The following TBX20 variants were observed in gnomAD, a reference collection of about 807,000 sequenced individuals.
TBX20 encodes the protein T-box transcription factor TBX20.
Under a neutral mutation model 42.9 loss-of-function variants are expected in TBX20, and 8 were observed. That is an observed-to-expected ratio of 0.19 (90% CI 0.11 to 0.34). The LOEUF (loss-of-function observed/expected upper bound fraction) is 0.34. TBX20 is among the 10% of genes least tolerant of loss of function. The pLI is 1.00. For missense variants in TBX20, 411 were observed against 566.0 expected, an observed-to-expected ratio of 0.73 and a Z score of 2.78; for synonymous variants, 198 against 222.8, an observed-to-expected ratio of 0.89 and a Z score of 0.99.
At chr7:35,234,437 A>T (rs1269747620) in intron 5 of TBX20, among the ~76,000 whole-genome samples, 1 of 152,216 alleles carries the variant, frequency 6.6e-6, no homozygotes, top group Non-Finnish European at 1.5e-5. Flanking sequence ...GTGTCACCAT[A>T]TCTAATAATA....
At chr7:35,238,373 T>TA (rs1231317924) in intron 5 of TBX20, among the ~76,000 whole-genome samples, 3 of 151,788 alleles carry the variant, frequency 2.0e-5, no homozygotes, top group South Asian at 4.2e-4. Flanking sequence ...TAATTTTCAC[T>TA]AAAAAAAATA....
intron 6 of TBX20, among the ~76,000 whole-genome samples, chr7:35,220,464 C>T (rs1789662295): frequency 2.0e-5 from 3 of 152,232 alleles, no homozygotes; most frequent in African/African-American, 7.2e-5. Flanking sequence ...GCTGCTGAGA[C>T]AGAGAGGGTA....
At position 35,253,717 on chromosome 7, in the gene TBX20, T is replaced by A; in HGVS notation, c.-97A>T. ...AAGACCCGAAACACAGCTCAAAGTT[T>A]CCGAGAGCAGTCACAGCGGGGCCAG... On this transcript the variant is annotated 5_prime_UTR_variant, in exon 1 of 8. Transcript: ENST00000408931. 6.6e-7 allele frequency: 1 copy of A among 1,515,792 alleles called. No individual in the cohort carries two copies. Among genetic ancestry groups the A allele is most frequent in the African/African-American group, 1.4e-5 (1 of 72,382 alleles). The allele number at this position is 1,515,792 out of a possible 1,614,324, so 93.9% of individuals were successfully genotyped here. A position where few individuals can be genotyped will look rare whatever the true frequency, so the allele number is the denominator to read the frequency against.
intron 6 of TBX20, among the ~76,000 whole-genome samples, chr7:35,215,450 T>C (rs1357370773): frequency 6.6e-6 from 1 of 152,160 alleles, no homozygotes; most frequent in Admixed American, 6.5e-5. Flanking sequence ...ACTGTGAGAA[T>C]TTCTAAAATA....
chr7:35,250,094 A>G lies in TBX20; in HGVS notation c.237T>C (p.Ser79=). The G allele has an allele frequency of 6.2e-7, 1 of 1,613,858 alleles. No homozygotes were observed. The highest frequency in any genetic ancestry group is 8.5e-7 in the Non-Finnish European group (1 of 1,179,940). The change falls in exon 2 of 8, where the codon TCT becomes TCC. Residue 79 remains serine (S), a synonymous_variant. Transcript: ENST00000408931. The stretch of plus-strand genomic sequence containing the variant: ...TGGGGATCAGTGGCTCAGTGCACAG[A>G]GAGGAGGAGGACGGGCTGCTGCCAC... The part of the protein sequence containing the change: ...GGSGSSPSSS[S]LCTEPLIPTT...
Position 35,250,013 on chromosome 7 carries a change from G to C in TBX20, c.318C>G (p.Thr106=), listed in dbSNP as rs751334778. The C allele has an allele frequency of 6.2e-7, 1 of 1,613,748 alleles. No individual in the cohort carries two copies. Among genetic ancestry groups the C allele is most frequent in the South Asian group, 1.1e-5 (1 of 91,046 alleles). ...CATGGAATTTGTCCCAAAGCTCCTT[G>C]GTCTCCAGGCTGCAGGCAATTTTGG... The part of the protein sequence containing the change: ...EMAKIACSLE[T]KELWDKFHEL... The change falls in exon 2 of 8, where the codon ACC becomes ACG. Residue 106 remains threonine, a synonymous_variant. Transcript: ENST00000408931.
intron 6 of TBX20, among the ~76,000 whole-genome samples, chr7:35,217,963 G>A (rs1226840710): frequency 1.3e-5 from 2 of 152,086 alleles, no homozygotes; most frequent in Non-Finnish European, 2.9e-5. Flanking sequence ...CAGGTGATCC[G>A]CCCACCTTGG....
chr7:35,220,820 T>C (rs1789670908), intron 6 of TBX20, among the ~76,000 whole-genome samples: 1 of 152,234 alleles, frequency 6.6e-6, no homozygotes, highest in Non-Finnish European at 1.5e-5. Flanking sequence ...AAGGACACAT[T>C]TTAAAATCTC....
intron 6 of TBX20, among the ~76,000 whole-genome samples, chr7:35,209,252 A>G (rs1324706441): frequency 6.6e-6 from 1 of 152,164 alleles, no homozygotes. Context: ...GATTTCAGGT[A>G]GAATTGTCAT....
intron 4 of TBX20, among the ~76,000 whole-genome samples, chr7:35,241,406 G>A (rs1790078530): frequency 6.6e-6 from 1 of 152,162 alleles, no homozygotes. Flanking sequence ...TCTAAAATAA[G>A]AAATCACATA....
At chr7:35,212,348 C>T (rs1442694417) in intron 6 of TBX20, among the ~76,000 whole-genome samples, 3 of 152,054 alleles carry the variant, frequency 2.0e-5, no homozygotes, top group Non-Finnish European at 4.4e-5. Flanking sequence ...TCTGAATGTC[C>T]TTGTTATTAA....
intron 5 of TBX20, among the ~76,000 whole-genome samples, chr7:35,237,853 C>A (rs1358866747): frequency 1.5e-5 from 2 of 137,366 alleles, no homozygotes; most frequent in Non-Finnish European, 3.2e-5. Context: ...GTGGTGTGAG[C>A]AGCACATTTG....
chr7:35,230,447 G>A (rs1348957070), intron 6 of TBX20, among the ~76,000 whole-genome samples: 1 of 151,848 alleles, frequency 6.6e-6, no homozygotes, highest in Non-Finnish European at 1.5e-5. Flanking sequence ...ATAGTTCCTG[G>A]CCAATGTTCA....
intron 6 of TBX20, among the ~76,000 whole-genome samples, chr7:35,217,856 G>T (rs1330007784): frequency 6.6e-6 from 1 of 152,128 alleles, no homozygotes; most frequent in African/African-American, 2.4e-5. Flanking sequence ...GAGTAGCTGG[G>T]ATTACAGGCA....
At position 35,249,277 on chromosome 7, in the gene TBX20, G is replaced by A. The variant is rs1194728460; in HGVS notation, c.381-436C>T. On this transcript the variant is annotated intron_variant, in intron 2 of 7. Transcript: ENST00000408931. This position sits in a 1 kb window ranked among gnomAD's most constrained non-coding sequence, Gnocchi z 4.3. ...TTGCAAAATAAAAGCCAAAAGCAGA[G>A]GTTTCTGGGAAGGATTTCTCAGATG... is the stretch of plus-strand genomic sequence containing the variant. 1.3e-5 allele frequency among the ~76,000 whole-genome samples: 2 copies of A among 152,158 alleles called. No homozygotes were observed. The highest frequency in any genetic ancestry group is 4.8e-5 in the African/African-American group (2 of 41,422).
rs1384836061 is a variant in TBX20 at position 35,250,094 on chromosome 7, A to AGAG, written c.234_236dup (p.Ser79dup). On this transcript the variant is annotated inframe_insertion, in exon 2 of 8. Coordinates refer to ENST00000408931, the MANE Select transcript of TBX20 (RefSeq NM_001077653.2). ...TGGGGATCAGTGGCTCAGTGCACAG[A>AGAG]GAGGAGGAGGACGGGCTGCTGCCAC... 1 of 1,613,858 alleles carries AGAG rather than the reference A, an allele frequency of 6.2e-7. No homozygotes were observed. Among genetic ancestry groups the AGAG allele is most frequent in the South Asian group, 1.1e-5 (1 of 90,992 alleles).
At chr7:35,248,921 G>A in intron 2 of TBX20, 80 bp from the exon 3 acceptor site, 6 of 1,571,290 alleles carry the variant, frequency 3.8e-6, no homozygotes, top group South Asian at 2.2e-5. Flanking sequence ...GAGGAAGGGA[G>A]GGAGGGAAGG....
intron 3 of TBX20, among the ~76,000 whole-genome samples, chr7:35,247,652 G>A (rs1378609160): frequency 2.0e-5 from 3 of 152,100 alleles, no homozygotes; most frequent in Non-Finnish European, 2.9e-5. Context: ...AGTACCAGCC[G>A]TAACTTAACA....
At chr7:35,214,235 G>A (rs987545284) in intron 6 of TBX20, among the ~76,000 whole-genome samples, 2 of 152,026 alleles carry the variant, frequency 1.3e-5, no homozygotes, top group African/African-American at 4.8e-5. Flanking sequence ...TCAGAATAAT[G>A]TGGTCCAAAC....
Sources: allele counts gnomAD v4.1 joint callset (sites outside exome capture counted in the v4.1 genomes callset), GRCh38; gene constraint gnomAD v4.1.1; non-coding constraint Gnocchi (gnomAD v3.1); transcripts MANE v1.5; gene names NCBI Gene and HGNC (gene_info 2026-07-23, HGNC 2026-07-21).